NOD1: variants seen among roughly 807,000 people sequenced by gnomAD.
NOD1 encodes nucleotide binding oligomerization domain containing 1, also known as nucleotide-binding oligomerization domain-containing protein 1.
Under a neutral mutation model 81.2 loss-of-function variants are expected in NOD1, and 70 were observed. That is an observed-to-expected ratio of 0.86 (90% CI 0.71 to 1.05). The LOEUF is 1.05. Ranked by LOEUF, NOD1 falls within the 50% of genes least tolerant of loss-of-function variation. NOD1 has a pLI of 0.00. For synonymous variants in NOD1, 508 were observed against 526.9 expected, an observed-to-expected ratio of 0.96 and a Z score of 0.49; for missense variants, 1,233 against 1,228.0, an observed-to-expected ratio of 1.00 and a Z score of -0.06.
intron 1 of NOD1, among the ~76,000 whole-genome samples, chr7:30,476,577 TGC>T (rs1346278985): frequency 1.3e-5 from 2 of 152,218 alleles, no homozygotes; most frequent in African/African-American, 4.8e-5. Context: ...TGCGTGTGTG[TGC>T]ACATACACTA....
intron 3 of NOD1, among the ~76,000 whole-genome samples, chr7:30,458,474 C>T (rs1786640732): frequency 6.6e-6 from 1 of 152,164 alleles, no homozygotes; most frequent in Admixed American, 6.5e-5. Flanking sequence ...ACATTCAGGT[C>T]CAGTGGTTCT....
Position 30,451,337 on chromosome 7 carries a change from C to G in NOD1, c.2080G>C (p.Ala694Pro), listed in dbSNP as rs199475903. Reference sequence around the variant, plus strand: ...AAGTGATGCAGGACGAAGGAGAGGGCGCTGCAGTCGGCCGAGCAGGCGTTG... The same window carrying G: ...AAGTGATGCAGGACGAAGGAGAGGGGGCTGCAGTCGGCCGAGCAGGCGTTG... ...YCNACSADCSALSFVLHHFPK... is the reference protein window; with the variant it reads ...YCNACSADCSPLSFVLHHFPK... Residue 694 changes from alanine (A) to proline (P), a missense_variant, in exon 6 of 14, where the codon GCC (alanine) becomes CCC (proline). Physicochemically the swap from Ala to Pro is conservative, Grantham distance 27. Transcript: ENST00000222823. The surrounding 1 kb of genome is among the most constrained non-coding windows in gnomAD (Gnocchi z 4.2). 7.4e-6 allele frequency: 12 copies of G among 1,614,060 alleles called. No individual in the cohort carries two copies. The highest frequency in any genetic ancestry group is 1.0e-5 in the Non-Finnish European group (12 of 1,180,042).
chr7:30,438,688 A>G (rs1188957429), intron 9 of NOD1, among the ~76,000 whole-genome samples: 2 of 152,250 alleles, frequency 1.3e-5, no homozygotes, highest in African/African-American at 2.4e-5. Flanking sequence ...ATATGTATTT[A>G]CTATACAATT....
chr7:30,465,962 G>A (rs1388281897), intron 1 of NOD1, among the ~76,000 whole-genome samples: 1 of 152,270 alleles, frequency 6.6e-6, no homozygotes, highest in Non-Finnish European at 1.5e-5. Context: ...CTGGCCCAGT[G>A]CCATGCCATC....
At position 30,433,117 on chromosome 7, in the gene NOD1, T is replaced by C; in HGVS notation, c.2684A>G (p.Asn895Ser). Reference sequence around the variant, plus strand: ...TTACCATAAATGCTTTAACGTCTGGTTGACTTTCAACATTTCTGCCAAACT... The same window carrying C: ...TTACCATAAATGCTTTAACGTCTGGCTGACTTTCAACATTTCTGCCAAACT... Reference protein sequence around the residue: ...AESLAEMLKVNQTLKHLWLIQ... With the variant: ...AESLAEMLKVSQTLKHLWLIQ... The change falls in exon 12 of 14, where the codon AAC becomes AGC. Residue 895 changes from asparagine to serine, a missense_variant. By Grantham distance (46) the Asn-to-Ser change is conservative. Coordinates refer to ENST00000222823, the MANE Select transcript of NOD1 (RefSeq NM_006092.4). 6.2e-7 allele frequency: 1 copy of C among 1,613,632 alleles called. No individual in the cohort carries two copies. The highest frequency in any genetic ancestry group is 8.5e-7 in the Non-Finnish European group (1 of 1,179,484).
chr7:30,445,497 G>A (rs1247564931), intron 9 of NOD1, among the ~76,000 whole-genome samples: 2 of 151,812 alleles, frequency 1.3e-5, no homozygotes, highest in Non-Finnish European at 2.9e-5. Flanking sequence ...GGTGGCTCAC[G>A]CCTATAATCC....
chr7:30,430,456 A>G (rs988575459), intron 12 of NOD1, among the ~76,000 whole-genome samples: 2 of 152,162 alleles, frequency 1.3e-5, no homozygotes, highest in South Asian at 2.1e-4. Context: ...CTGTTTGTAG[A>G]ATAGGCTCCT....
chr7:30,460,172 G>T (rs1343412702), intron 1 of NOD1, 131 bp from the exon 2 acceptor site: 1 of 891,548 alleles, frequency 1.1e-6, no homozygotes, highest in East Asian at 1.2e-4. Flanking sequence ...ACAAGGTATG[G>T]ATGTTGGAAG....
At chr7:30,428,110 G>A (rs966140501) in intron 13 of NOD1, among the ~76,000 whole-genome samples, 1 of 152,134 alleles carries the variant, frequency 6.6e-6, no homozygotes, top group Non-Finnish European at 1.5e-5. Context: ...CAGGGTCTCT[G>A]GCACCCAGGC....
rs373017236 is a variant in NOD1 at position 30,425,462 on chromosome 7, G to A, written c.*176C>T. The A allele has an allele frequency of 6.4e-5, 40 of 621,834 alleles. No individual in the cohort carries two copies. In the African/African-American group the frequency reaches 7.0e-4, roughly 11 times the overall value. The allele number at this position is 621,834 out of a possible 1,614,324, so 38.5% of individuals were successfully genotyped here. A position where few individuals can be genotyped will look rare whatever the true frequency, so the allele number is the denominator to read the frequency against. On this transcript the variant is annotated 3_prime_UTR_variant, in exon 14 of 14. Transcript: ENST00000222823. Reference sequence around the variant, plus strand: ...CTGCAGAATTGTAGCGGGTACTTAGGGAGTTTGCCGACCAGACCTTCTGCA... The same window carrying A: ...CTGCAGAATTGTAGCGGGTACTTAGAGAGTTTGCCGACCAGACCTTCTGCA...
intron 9 of NOD1, among the ~76,000 whole-genome samples, chr7:30,439,059 T>C (rs995094586): frequency 2.0e-5 from 3 of 152,130 alleles, no homozygotes; most frequent in African/African-American, 7.2e-5. Flanking sequence ...CTCATTAGGA[T>C]GGGTACTGTC....
At chr7:30,462,988 A>C (rs1032189922) in intron 1 of NOD1, among the ~76,000 whole-genome samples, 1 of 151,716 alleles carries the variant, frequency 6.6e-6, no homozygotes, top group Non-Finnish European at 1.5e-5. Context: ...ATGATTCTGA[A>C]AATCTGATCT....
rs752766475 is a variant in NOD1, at chr7:30,456,815, T to G, written c.107A>C (p.Asn36Thr). Reference sequence around the variant, plus strand: ...CAAGTTGTCCACCAGACACTGAGTATTGCGGATGTGAGTGACCAGAAGTTC... The same window carrying G: ...CAAGTTGTCCACCAGACACTGAGTAGTGCGGATGTGAGTGACCAGAAGTTC... ...NRELLVTHIR[N>T]TQCLVDNLLK... Residue 36 changes from asparagine (N) to threonine (T), a missense_variant, in exon 4 of 14, where the codon AAT (asparagine) becomes ACT (threonine). Transcript: ENST00000222823. 1 of 1,614,172 alleles carries G rather than the reference T, an allele frequency of 6.2e-7. No individual in the cohort carries two copies.
Position 30,452,816 on chromosome 7 carries a change from G to A in NOD1, c.601C>T (p.Leu201=), listed in dbSNP as rs1485138900. 1.2e-6 allele frequency: 2 copies of A among 1,614,150 alleles called. No homozygotes were observed. The highest frequency in any genetic ancestry group is 1.3e-5 in the African/African-American group (1 of 75,070). The change falls in exon 6 of 14, where the codon CTG becomes TTG. Residue 201 remains leucine, a synonymous_variant. Coordinates refer to ENST00000222823, the MANE Select transcript of NOD1 (RefSeq NM_006092.4). The stretch of plus-strand genomic sequence containing the variant: ...GACTTGCCCACCCCAGCATCACCCA[G>A]GATGAAGATGGTCTCACCCTGCTCA... The part of the protein sequence containing the change: ...LNEQGETIFI[L]GDAGVGKSML...
chr7:30,459,093 C>A (rs971249232), intron 3 of NOD1, 59 bp downstream of exon 3: 1 of 152,630 alleles, frequency 6.6e-6, no homozygotes, highest in African/African-American at 2.4e-5. Context: ...TTTAGAAAAT[C>A]GGTTCATTTA....
intron 10 of NOD1, among the ~76,000 whole-genome samples, chr7:30,437,072 C>G (rs1019978473): frequency 6.6e-6 from 1 of 152,154 alleles, no homozygotes; most frequent in Non-Finnish European, 1.5e-5. Flanking sequence ...ATGTCCTTTG[C>G]TGGCACATGG....
At position 30,452,358 on chromosome 7, in the gene NOD1, G is replaced by A; in HGVS notation, c.1059C>T (p.Ser353=). 3 of 1,613,344 alleles carry A rather than the reference G, an allele frequency of 1.9e-6. No homozygotes were observed. Among genetic ancestry groups the A allele is most frequent in the Non-Finnish European group, 2.5e-6 (3 of 1,180,006 alleles). Residue 353 remains serine (S), a synonymous_variant, in exon 6 of 14, where the codon TCC becomes TCT. Transcript: ENST00000222823. ...TGGCATAGGCGCGCAGGTGGCTGGG[G>A]GAGAAGCCCCGGAGAAGCACCTTCT... ...LRKKVLLRGF[S]PSHLRAYARR... is the part of the protein sequence containing the mutation.
At chr7:30,430,456 A>T (rs988575459) in intron 12 of NOD1, among the ~76,000 whole-genome samples, 3 of 152,162 alleles carry the variant, frequency 2.0e-5, no homozygotes, top group African/African-American at 7.2e-5. Flanking sequence ...CTGTTTGTAG[A>T]ATAGGCTCCT....
In NOD1 at chr7:30,451,176, G is replaced by A. The variant is rs377325784; in HGVS notation, c.2201+40C>T. The A allele has an allele frequency of 9.8e-5, 156 of 1,589,842 alleles. 1 individual carries two copies. The highest frequency in any genetic ancestry group is 1.3e-4 in the South Asian group (11 of 87,812). ...TCCCGATGCCCTCCGAGCCTGGCCC[G>A]CCCGGCCCACCTGTTGCTCCCCTTG... On this transcript the variant is annotated intron_variant, in intron 6 of 13. Coordinates refer to ENST00000222823, the MANE Select transcript of NOD1 (RefSeq NM_006092.4). The surrounding 1 kb of genome is among the most constrained non-coding windows in gnomAD (Gnocchi z 4.2).
Sources: gnomAD v4.1 joint callset for allele counts (sites outside exome capture counted in the v4.1 genomes callset) on GRCh38, gnomAD v4.1.1 for gene constraint, Gnocchi (gnomAD v3.1) non-coding constraint, MANE v1.5 for transcripts, NCBI Gene and HGNC (gene_info 2026-07-23, HGNC 2026-07-21) for gene names.